The following LNX1 variants were observed in gnomAD, a reference collection of about 807,000 sequenced individuals.
LNX1 encodes the protein E3 ubiquitin-protein ligase LNX.
Under a neutral mutation model 68.4 loss-of-function variants are expected in LNX1, and 54 were observed. The ratio of observed to expected loss-of-function variants is 0.79; its 90% CI spans 0.63 to 0.99. The LOEUF (loss-of-function observed/expected upper bound fraction) is 0.99. Among genes scored for constraint, LNX1 ranks in the 50% least tolerant of loss-of-function variants. The probability of loss-of-function intolerance (pLI) is 0.00; values close to 1 mark genes in which losing one functional copy is unlikely to be tolerated. For missense variants in LNX1, 906 were observed against 926.4 expected (o/e 0.98, Z 0.29); for synonymous variants, 336 against 350.0 (o/e 0.96, Z 0.45).
chr4:53,512,141 G>C (rs561034730), intron 2 of LNX1, among the ~76,000 whole-genome samples: 3 of 152,186 alleles, frequency 2.0e-5, no homozygotes, highest in Non-Finnish European at 2.9e-5. Flanking sequence ...TGGGGACCAT[G>C]GTGAGCAGTG....
upstream of LNX1, among the ~76,000 whole-genome samples, chr4:53,620,986 G>C (rs1357051442): frequency 6.6e-6 from 1 of 152,170 alleles, no homozygotes; most frequent in Non-Finnish European, 1.5e-5. Flanking sequence ...GTTTCAAAGA[G>C]AATCCCAATA....
At position 53,468,242 on chromosome 4, in the gene LNX1, A is replaced by G. The variant is rs370247973; in HGVS notation, c.1893-6649T>C. On this transcript the variant is annotated intron_variant, in intron 9 of 10. Coordinates refer to ENST00000263925, the MANE Select transcript of LNX1 (RefSeq NM_001126328.3). ...CCAGAATTTCATATCCAGCCAAAAT[A>G]AGCTCTATAAGTGAAGGAGAAATAA... Among the ~76,000 whole-genome samples the G allele has an allele frequency of 2.6e-4, 39 of 152,326 alleles. No individual in the cohort carries two copies. The South Asian group carries it at 8.1e-3, about 32-fold the overall frequency.
At chr4:53,469,151 C>G (rs1009322841) in intron 9 of LNX1, among the ~76,000 whole-genome samples, 10 of 152,302 alleles carry the variant, frequency 6.6e-5, no homozygotes, top group African/African-American at 2.2e-4. Flanking sequence ...TCTCAGACCA[C>G]AGTGCAATCA....
At chr4:53,557,888 G>A (rs117401196) in intron 2 of LNX1, 1 of 1,613,254 alleles carries the variant, frequency 6.2e-7, no homozygotes, top group Admixed American at 1.7e-5. Context: ...CTGAATACAG[G>A]AAGTGCAGGT....
At chr4:53,633,233 CA>C (rs1734341308) in intron 1 of LNX1, among the ~76,000 whole-genome samples, 1 of 152,202 alleles carries the variant, frequency 6.6e-6, no homozygotes, top group Non-Finnish European at 1.5e-5. Context: ...ACCTATGGCA[CA>C]TAACAGGGAT....
chr4:53,646,962 G>T (rs1253447319), intron 1 of LNX1, among the ~76,000 whole-genome samples: 1 of 152,242 alleles, frequency 6.6e-6, no homozygotes, highest in East Asian at 1.9e-4. Flanking sequence ...GGAGGAAGCT[G>T]TAAAAGGCAG....
At chr4:53,565,645 A>G (rs1450099826) in intron 2 of LNX1, among the ~76,000 whole-genome samples, 2 of 152,336 alleles carry the variant, frequency 1.3e-5, no homozygotes, top group African/African-American at 2.4e-5. Context: ...AAAGCTGGAC[A>G]GAGAATGACT....
chr4:53,497,500 G>T (rs1332246149), intron 5 of LNX1, among the ~76,000 whole-genome samples: 2 of 152,224 alleles, frequency 1.3e-5, no homozygotes, highest in Non-Finnish European at 2.9e-5. Context: ...CTTTGTCCAA[G>T]CACAGGTGAG....
chr4:53,525,300 G>A (rs1190131179), intron 2 of LNX1, among the ~76,000 whole-genome samples: 2 of 152,202 alleles, frequency 1.3e-5, no homozygotes, highest in African/African-American at 2.4e-5. Flanking sequence ...TGGCCAACAA[G>A]GTGAAACCTG....
intron 6 of LNX1, among the ~76,000 whole-genome samples, chr4:53,489,782 G>C (rs931640606): frequency 2.0e-5 from 3 of 152,008 alleles, no homozygotes; most frequent in African/African-American, 7.3e-5. Flanking sequence ...AGCTCAAGGA[G>C]ATTAAAAAAT....
At chr4:53,618,569 G>A (rs1733759779), upstream of LNX1, among the ~76,000 whole-genome samples, 1 of 152,092 alleles carries the variant, frequency 6.6e-6, no homozygotes, top group African/African-American at 2.4e-5. Flanking sequence ...GTATGTAAAG[G>A]AAAACACCCA....
chr4:53,571,155 G>A (rs942838244), intron 2 of LNX1, among the ~76,000 whole-genome samples: 1 of 152,036 alleles, frequency 6.6e-6, no homozygotes, highest in African/African-American at 2.4e-5. Flanking sequence ...AAGTAGCTGG[G>A]ATTACAGGCT....
intron 7 of LNX1, among the ~76,000 whole-genome samples, chr4:53,479,758 C>G (rs756193707): frequency 6.6e-6 from 1 of 152,080 alleles, no homozygotes. Context: ...ACAATGGGTA[C>G]CTGAATATTT....
chr4:53,474,241 T>C (rs1355685681), intron 9 of LNX1, among the ~76,000 whole-genome samples: 2 of 152,178 alleles, frequency 1.3e-5, no homozygotes, highest in African/African-American at 2.4e-5. Flanking sequence ...GCATGGTACA[T>C]AGGAGTGTAT....
intron 1 of LNX1, among the ~76,000 whole-genome samples, chr4:53,646,116 A>C (rs1734875500): frequency 6.6e-6 from 1 of 152,202 alleles, no homozygotes; most frequent in Non-Finnish European, 1.5e-5. Flanking sequence ...GGCTCTTATG[A>C]CATCCATACC....
chr4:53,584,166 T>G (rs942386255), intron 1 of LNX1, among the ~76,000 whole-genome samples: 3 of 152,146 alleles, frequency 2.0e-5, no homozygotes, highest in African/African-American at 4.8e-5. Context: ...TGTTGTTGTT[T>G]TTTTTAAAAC....
intron 1 of LNX1, among the ~76,000 whole-genome samples, chr4:53,634,397 C>T (rs1023708137): frequency 6.6e-6 from 1 of 151,960 alleles, no homozygotes; most frequent in African/African-American, 2.4e-5. Flanking sequence ...GTGCACGCTG[C>T]CAGACCTGGC....
chr4:53,571,817 G>A (rs941058672), intron 2 of LNX1, among the ~76,000 whole-genome samples: 3 of 151,942 alleles, frequency 2.0e-5, no homozygotes, highest in African/African-American at 7.2e-5. Context: ...GACATCACCA[G>A]GTCTGGCTAA....
chr4:53,531,484 C>T (rs1316410178), intron 2 of LNX1, among the ~76,000 whole-genome samples: 4 of 152,214 alleles, frequency 2.6e-5, no homozygotes, highest in Non-Finnish European at 5.9e-5. Flanking sequence ...ATACACACAG[C>T]TCCCTGGATG....
Sources: gnomAD v4.1 joint callset for allele counts (sites outside exome capture counted in the v4.1 genomes callset) on GRCh38, gnomAD v4.1.1 for gene constraint, MANE v1.5 for transcripts, NCBI Gene and HGNC (gene_info 2026-07-23, HGNC 2026-07-21) for gene names.